Variants in DLGAP4 observed in about 807,000 individuals in gnomAD.
DLGAP4 encodes the protein DLG associated protein 4, also known as disks large-associated protein 4.
A neutral mutation model predicts 86.9 loss-of-function variants in DLGAP4; 18 were observed. The observed-to-expected ratio is 0.21, with a 90% confidence interval of 0.14 to 0.31. The LOEUF is 0.31. DLGAP4 is among the 10% of genes least tolerant of loss of function. The pLI, the probability that DLGAP4 is intolerant of heterozygous loss-of-function variation, is 1.00. For synonymous variants in DLGAP4, 548 were observed against 574.3 expected (o/e 0.95, Z 0.65); for missense variants, 1,085 against 1,362.6 (o/e 0.80, Z 3.21).
intron 2 of DLGAP4, among the ~76,000 whole-genome samples, chr20:36,400,286 T>C (rs1041063426): frequency 6.6e-6 from 1 of 152,240 alleles, no homozygotes; most frequent in African/African-American, 2.4e-5. Context: ...GTACCAGCGA[T>C]ATTTGAGCAG....
At chr20:36,336,197 C>T (rs1224622410) in intron 1 of DLGAP4, among the ~76,000 whole-genome samples, 4 of 152,156 alleles carry the variant, frequency 2.6e-5, no homozygotes, top group Non-Finnish European at 4.4e-5. Context: ...ATTTGGCTGA[C>T]GACGAGACAA....
chr20:36,484,392 G>T (rs1376520071), intron 7 of DLGAP4, among the ~76,000 whole-genome samples: 1 of 152,158 alleles, frequency 6.6e-6, no homozygotes, highest in Admixed American at 6.5e-5. Flanking sequence ...CAGGAAAAAA[G>T]CCCCTCATAC....
At chr20:36,455,048 G>A (rs142555785) in intron 7 of DLGAP4, among the ~76,000 whole-genome samples, 1 of 152,186 alleles carries the variant, frequency 6.6e-6, no homozygotes, top group African/African-American at 2.4e-5. Context: ...CTATCTAGGA[G>A]GGGGCTTGGG....
intron 1 of DLGAP4, among the ~76,000 whole-genome samples, chr20:36,345,667 C>T (rs546094476): frequency 5.3e-5 from 8 of 152,230 alleles, no homozygotes; most frequent in South Asian, 4.1e-4. Flanking sequence ...GTGCCCAGGA[C>T]GTATTTGTTG....
chr20:36,430,984 G>T (rs1600519382), intron 2 of DLGAP4, among the ~76,000 whole-genome samples: 1 of 150,032 alleles, frequency 6.7e-6, no homozygotes, highest in Non-Finnish European at 1.5e-5. Context: ...AGACCTCTCT[G>T]GCCCTCTAAA....
intron 2 of DLGAP4, among the ~76,000 whole-genome samples, chr20:36,394,775 G>C (rs1600476620): frequency 1.3e-5 from 2 of 152,132 alleles, no homozygotes; most frequent in Non-Finnish European, 2.9e-5. Context: ...GGAAGCTCAG[G>C]GTTCAGGGGC....
At chr20:36,506,364 C>G (rs1447420980) in intron 10 of DLGAP4, among the ~76,000 whole-genome samples, 1 of 152,142 alleles carries the variant, frequency 6.6e-6, no homozygotes, top group Non-Finnish European at 1.5e-5. Flanking sequence ...TCCTGTCTAC[C>G]TGGGAGGGAA....
intron 2 of DLGAP4, among the ~76,000 whole-genome samples, chr20:36,429,012 T>C (rs563269570): frequency 6.6e-6 from 1 of 152,312 alleles, no homozygotes; most frequent in South Asian, 2.1e-4. Flanking sequence ...TGTCTCCACA[T>C]CACTCTGATC....
At chr20:36,387,031 A>C (rs888617804) in intron 2 of DLGAP4, among the ~76,000 whole-genome samples, 5 of 152,194 alleles carry the variant, frequency 3.3e-5, no homozygotes, top group African/African-American at 1.2e-4. Context: ...GTTCTCCACC[A>C]TGAAGATCTC....
At chr20:36,313,567 A>T (rs1361357403) in intron 1 of DLGAP4, among the ~76,000 whole-genome samples, 1 of 151,698 alleles carries the variant, frequency 6.6e-6, no homozygotes, top group Non-Finnish European at 1.5e-5. Flanking sequence ...GTCACCTGCA[A>T]TTGGAGAGGA....
intron 7 of DLGAP4, among the ~76,000 whole-genome samples, chr20:36,456,558 A>G (rs1160685977): frequency 6.6e-6 from 1 of 152,178 alleles, no homozygotes; most frequent in African/African-American, 2.4e-5. Context: ...AGGAACCACA[A>G]TTCCCTACTG....
intron 2 of DLGAP4, among the ~76,000 whole-genome samples, chr20:36,421,340 C>G (rs1313793110): frequency 6.6e-6 from 1 of 151,710 alleles, no homozygotes; most frequent in Admixed American, 6.6e-5. Context: ...TGCCTTTAAT[C>G]CCAGCTGTTT....
chr20:36,313,551 G>C (rs1355371663), intron 1 of DLGAP4, among the ~76,000 whole-genome samples: 1 of 151,800 alleles, frequency 6.6e-6, no homozygotes, highest in African/African-American at 2.4e-5. Flanking sequence ...TCTGGGGTGG[G>C]GGGGGGTCAC....
rs2065159637 is a variant in DLGAP4 at position 36,320,718 on chromosome 20, G to A, written c.-304+14206G>A. ...CTGAGCCCTTTGCCCACCTGCCTGG[G>A]ACCTCTGGGGGCTGCTGACTGGGTG... On this transcript the variant is annotated intron_variant, in intron 1 of 12. Coordinates refer to ENST00000339266, the MANE Select transcript of DLGAP4 (RefSeq NM_001365621.2). Among the ~76,000 whole-genome samples, 3 of 152,168 alleles carry A rather than the reference G, an allele frequency of 2.0e-5. No homozygotes were observed. In the South Asian group the frequency reaches 6.2e-4, roughly 32 times the overall value.
At position 36,393,030 on chromosome 20, in the gene DLGAP4, A is replaced by G. The variant is rs936389239; in HGVS notation, c.-73+25755A>G. Among the ~76,000 whole-genome samples, 4 of 142,474 alleles carry G rather than the reference A, an allele frequency of 2.8e-5. No individual in the cohort carries two copies. In the East Asian group the frequency reaches 8.8e-4, roughly 31 times the overall value. 93.5% of individuals were successfully genotyped at this position (142,474 alleles called of 152,430 possible). On this transcript the variant is annotated intron_variant, in intron 2 of 12. Coordinates refer to ENST00000339266, the MANE Select transcript of DLGAP4 (RefSeq NM_001365621.2). This position sits in a 1 kb window ranked among gnomAD's most constrained non-coding sequence, Gnocchi z 4.4. ...AGGAAACAGGAGGCCAGTTGGGCTG[A>G]GGACTGGGAAAGGGAGGCTGGGGGC...
In DLGAP4 at chr20:36,343,623, C is replaced by G. The variant is rs548041193; in HGVS notation, c.-303-23422C>G. Among the ~76,000 whole-genome samples the G allele has an allele frequency of 5.9e-5, 9 of 152,314 alleles. No individual in the cohort carries two copies. In the South Asian group the frequency reaches 1.7e-3, roughly 28 times the overall value. On this transcript the variant is annotated intron_variant, in intron 1 of 12. Coordinates refer to ENST00000339266, the MANE Select transcript of DLGAP4 (RefSeq NM_001365621.2). ...GGATTTTTGAGGCTACCAGGTACCCCCCCCCAACCCCCCGTTGGGTGAATT... is the reference window on the plus strand; with the variant it reads ...GGATTTTTGAGGCTACCAGGTACCCGCCCCCAACCCCCCGTTGGGTGAATT...
At chr20:36,514,249 G>C (rs147419063) in intron 10 of DLGAP4, among the ~76,000 whole-genome samples, 4 of 152,240 alleles carry the variant, frequency 2.6e-5, no homozygotes, top group East Asian at 1.9e-4. Flanking sequence ...GGGCCATTTT[G>C]GTGGAATTGT....
At chr20:36,447,461 C>T (rs974493049) in intron 7 of DLGAP4, among the ~76,000 whole-genome samples, 5 of 152,198 alleles carry the variant, frequency 3.3e-5, no homozygotes, top group African/African-American at 1.2e-4. Flanking sequence ...TCACTCCACA[C>T]CCAGGCTGGA....
chr20:36,453,934 C>CAAAAAAA (rs1194294335), intron 7 of DLGAP4, among the ~76,000 whole-genome samples: 3 of 42,646 alleles, frequency 7.0e-5, no homozygotes, highest in Non-Finnish European at 1.4e-4. Context: ...ACTCTGTCTC[C>CAAAAAAA]AAAAAAAAAA....
Sources: gnomAD v4.1 joint callset for allele counts (sites outside exome capture counted in the v4.1 genomes callset) on GRCh38, gnomAD v4.1.1 for gene constraint, Gnocchi (gnomAD v3.1) non-coding constraint, MANE v1.5 for transcripts, NCBI Gene and HGNC (gene_info 2026-07-23, HGNC 2026-07-21) for gene names.